Variants in SORCS3 observed in about 807,000 individuals in gnomAD.
The protein encoded by SORCS3 is VPS10 domain-containing receptor SorCS3.
In SORCS3, 57 loss-of-function variants were observed where a neutral mutation model predicts 146.3. The observed-to-expected ratio is 0.39, with a 90% CI of 0.31 to 0.49. The LOEUF (loss-of-function observed/expected upper bound fraction) is 0.49. SORCS3 is among the 20% of genes least tolerant of loss of function. SORCS3 has a pLI of 0.92. For missense variants in SORCS3, 1,341 were observed against 1,575.5 expected (o/e 0.85, Z 2.52); for synonymous variants, 653 against 618.5 (o/e 1.06, Z -0.83).
At chr10:104,651,797 T>A (rs1421467066) in intron 1 of SORCS3, among the ~76,000 whole-genome samples, 1 of 152,242 alleles carries the variant, frequency 6.6e-6, no homozygotes, top group East Asian at 1.9e-4. Context: ...CATGCTGGCC[T>A]GATTTCCAAC....
intron 1 of SORCS3, among the ~76,000 whole-genome samples, chr10:104,806,157 T>A (rs548866207): frequency 6.6e-6 from 1 of 152,328 alleles, no homozygotes; most frequent in South Asian, 2.1e-4. Context: ...TAAGACCACA[T>A]GGCTAGTAAT....
intron 3 of SORCS3, among the ~76,000 whole-genome samples, chr10:104,922,666 A>G (rs1485752200): frequency 6.6e-6 from 1 of 152,240 alleles, no homozygotes; most frequent in Non-Finnish European, 1.5e-5. Context: ...TTAATATGAA[A>G]CATCCGTGTT....
At position 104,961,857 on chromosome 10, in the gene SORCS3, G is replaced by A. The variant is rs147759635; in HGVS notation, c.796-15478G>A. Among the ~76,000 whole-genome samples the A allele has an allele frequency of 3.7e-3, 565 of 152,192 alleles. 5 individuals are homozygous for A. The highest frequency in any genetic ancestry group is 0.024 in the Middle Eastern group (7 of 290). On this transcript the variant is annotated intron_variant, in intron 3 of 26. Coordinates refer to ENST00000369701, the MANE Select transcript of SORCS3 (RefSeq NM_014978.3). ...CTTTGAGTGACCTTCACTCAGTCAT[G>A]CATCACATGATTTATTGATTTATTG...
At chr10:105,144,228 A>G (rs1176995592) in intron 8 of SORCS3, among the ~76,000 whole-genome samples, 2 of 152,122 alleles carry the variant, frequency 1.3e-5, no homozygotes, top group African/African-American at 4.8e-5. Flanking sequence ...TGACTGTTCC[A>G]TCCTCATTGT....
chr10:105,049,654 A>C (rs1384824429), intron 5 of SORCS3, among the ~76,000 whole-genome samples: 2 of 152,244 alleles, frequency 1.3e-5, no homozygotes, highest in East Asian at 3.9e-4. Context: ...GAATAAAATC[A>C]TGTCCTTTGC....
intron 4 of SORCS3, among the ~76,000 whole-genome samples, chr10:104,993,378 C>G (rs1222011577): frequency 2.0e-5 from 3 of 152,206 alleles, no homozygotes; most frequent in Non-Finnish European, 2.9e-5. Context: ...GAGGCAGGAT[C>G]TACCAGTAGC....
At chr10:104,831,169 A>G (rs1589516073) in intron 1 of SORCS3, among the ~76,000 whole-genome samples, 4 of 152,254 alleles carry the variant, frequency 2.6e-5, no homozygotes, top group African/African-American at 9.6e-5. Flanking sequence ...GTCACTCTCT[A>G]TCAAGAAAGA....
intron 19 of SORCS3, among the ~76,000 whole-genome samples, chr10:105,222,130 C>T (rs1194278089): frequency 7.5e-6 from 1 of 133,410 alleles, no homozygotes; most frequent in Middle Eastern, 5.1e-3. Context: ...GCGATTTTGG[C>T]TCACTGCATC....
chr10:104,837,060 C>G (rs1270718631), intron 1 of SORCS3, among the ~76,000 whole-genome samples: 1 of 152,138 alleles, frequency 6.6e-6, no homozygotes, highest in Non-Finnish European at 1.5e-5. Flanking sequence ...CCATACCTCT[C>G]TCCTACATTT....
intron 2 of SORCS3, among the ~76,000 whole-genome samples, chr10:104,912,046 T>G (rs906646805): frequency 6.6e-6 from 1 of 152,222 alleles, no homozygotes; most frequent in Non-Finnish European, 1.5e-5. Context: ...CTTTTTCTAT[T>G]TGGAGTTGAG....
At chr10:104,935,945 G>T (rs539018297) in intron 3 of SORCS3, among the ~76,000 whole-genome samples, 9 of 152,276 alleles carry the variant, frequency 5.9e-5, no homozygotes, top group South Asian at 4.1e-4. Flanking sequence ...CAGGGCTCAG[G>T]AGTTGAGATT....
chr10:104,656,783 G>A (rs527426944), intron 1 of SORCS3, among the ~76,000 whole-genome samples: 9 of 152,324 alleles, frequency 5.9e-5, no homozygotes, highest in African/African-American at 2.2e-4. Context: ...ATCACCCTGT[G>A]GGTTAGAGGG....
At chr10:105,094,082 G>A (rs2055729053) in intron 6 of SORCS3, among the ~76,000 whole-genome samples, 1 of 152,132 alleles carries the variant, frequency 6.6e-6, no homozygotes, top group African/African-American at 2.4e-5. Flanking sequence ...AATTTTAAAG[G>A]TGTTATGTTG....
At chr10:105,227,312 T>C (rs2056739297) in intron 20 of SORCS3, among the ~76,000 whole-genome samples, 1 of 152,062 alleles carries the variant, frequency 6.6e-6, no homozygotes, top group Non-Finnish European at 1.5e-5. Flanking sequence ...TGACCCAACA[T>C]TCAGAAGCAT....
chr10:104,869,084 T>C (rs2018489680), intron 2 of SORCS3, among the ~76,000 whole-genome samples: 1 of 152,160 alleles, frequency 6.6e-6, no homozygotes, highest in African/African-American at 2.4e-5. Flanking sequence ...TTTCTGCTAC[T>C]AAAATCTATG....
intron 2 of SORCS3, among the ~76,000 whole-genome samples, chr10:104,897,605 C>T (rs2018811305): frequency 6.6e-6 from 1 of 152,132 alleles, no homozygotes; most frequent in African/African-American, 2.4e-5. Flanking sequence ...GGTACGATTC[C>T]CCTGCATCCA....
At chr10:104,759,487 A>G (rs572964793) in intron 1 of SORCS3, among the ~76,000 whole-genome samples, 2 of 152,334 alleles carry the variant, frequency 1.3e-5, no homozygotes, top group East Asian at 1.9e-4. Context: ...TCTCACTGCC[A>G]TTCCAACAGA....
intron 1 of SORCS3, among the ~76,000 whole-genome samples, chr10:104,793,615 G>A (rs1343013635): frequency 6.6e-6 from 1 of 152,174 alleles, no homozygotes; most frequent in Non-Finnish European, 1.5e-5. Context: ...AAACAATGAG[G>A]TCAGTAATAT....
chr10:105,142,265 C>G (rs923263495), intron 8 of SORCS3, among the ~76,000 whole-genome samples: 12 of 152,100 alleles, frequency 7.9e-5, no homozygotes, highest in Non-Finnish European at 1.3e-4. Flanking sequence ...TTTGCCTGAG[C>G]CTTGTGCTCC....
Sources: allele counts gnomAD v4.1 joint callset (sites outside exome capture counted in the v4.1 genomes callset), GRCh38; gene constraint gnomAD v4.1.1; transcripts MANE v1.5; gene names NCBI Gene and HGNC (gene_info 2026-07-23, HGNC 2026-07-21).